Variants in LPCAT1 observed in about 807,000 individuals in gnomAD.
The protein encoded by LPCAT1 is 1-acylglycerol-3-phosphate O-acyltransferase.
Under a neutral mutation model 60.9 loss-of-function variants are expected in LPCAT1, and 23 were observed. The observed-to-expected ratio is 0.38, with a 90% confidence interval of 0.27 to 0.53. LPCAT1 has a LOEUF of 0.53. LPCAT1 is among the 20% of genes least tolerant of loss of function. The pLI is 0.82. For synonymous variants in LPCAT1, 340 were observed against 301.1 expected (o/e 1.13, Z -1.34); for missense variants, 622 against 723.6 (o/e 0.86, Z 1.61).
At chr5:1,478,261 G>A (rs1200523586) in intron 8 of LPCAT1, among the ~76,000 whole-genome samples, 1 of 152,252 alleles carries the variant, frequency 6.6e-6, no homozygotes. Context: ...GACTACCCTG[G>A]ATGTCCTTTT....
At chr5:1,469,098 G>A (rs940190833) in intron 12 of LPCAT1, among the ~76,000 whole-genome samples, 3 of 152,238 alleles carry the variant, frequency 2.0e-5, no homozygotes, top group Non-Finnish European at 4.4e-5. Context: ...GCTGAGGGTG[G>A]AGGTGAGGCG....
At chr5:1,467,811 G>C (rs1362092953) in intron 12 of LPCAT1, among the ~76,000 whole-genome samples, 1 of 152,132 alleles carries the variant, frequency 6.6e-6, no homozygotes, top group East Asian at 1.9e-4. Context: ...CCCTCAGATG[G>C]GCCAGCTCTT....
chr5:1,487,811 C>T lies in LPCAT1; in HGVS notation c.667+580G>A, dbSNP rs1399581640. On this transcript the variant is annotated intron_variant, in intron 5 of 13. Coordinates refer to ENST00000283415, the MANE Select transcript of LPCAT1 (RefSeq NM_024830.5). This position sits in a 1 kb window ranked among gnomAD's most constrained non-coding sequence, Gnocchi z 6.1. ...TGTGCAGAATTCCAAACAGACTCAG[C>T]GCAAAAAGAACAGTGGACTCTGCTG... Among the ~76,000 whole-genome samples, 3 of 152,174 alleles carry T rather than the reference C, an allele frequency of 2.0e-5. No homozygotes were observed. Among genetic ancestry groups the T allele is most frequent in the Admixed American group, 2.0e-4 (3 of 15,274 alleles).
intron 1 of LPCAT1, among the ~76,000 whole-genome samples, chr5:1,513,073 AG>A (rs1011139964): frequency 1.3e-5 from 2 of 152,216 alleles, no homozygotes; most frequent in African/African-American, 2.4e-5. Flanking sequence ...GGGCCCAGGC[AG>A]GGTGGCTATG....
rs1386943829 is a variant in LPCAT1, at chr5:1,476,846, G to A, written c.899+558C>T. ...CTGACGACACCGAGGGAGGGAGAGG[G>A]GGAGGGCGTGTGAGCCGACAGCACT... On this transcript the variant is annotated intron_variant, in intron 9 of 13. Transcript: ENST00000283415. The surrounding 1 kb of genome is among the most constrained non-coding windows in gnomAD (Gnocchi z 8.6). Among the ~76,000 whole-genome samples the A allele has an allele frequency of 6.6e-6, 1 of 150,446 alleles. No individual in the cohort carries two copies. The highest frequency in any genetic ancestry group is 1.5e-5 in the Non-Finnish European group (1 of 67,970).
In LPCAT1 at chr5:1,480,860, T is replaced by C. The variant is rs538461261; in HGVS notation, c.761+82A>G. ...CTGCTTTCACAACTGCAAAAGTAAC[T>C]AGCGTGCACAGCAGACCCCAAGCAG... On this transcript the variant is annotated intron_variant, in intron 7 of 13. Coordinates refer to ENST00000283415, the MANE Select transcript of LPCAT1 (RefSeq NM_024830.5). This position sits in a 1 kb window ranked among gnomAD's most constrained non-coding sequence, Gnocchi z 6.4. 1.5e-5 allele frequency: 23 copies of C among 1,521,484 alleles called. No homozygotes were observed. The East Asian group carries it at 2.7e-4, about 18-fold the overall frequency. The allele number at this position is 1,521,484 out of a possible 1,614,324, so 94.2% of individuals were successfully genotyped here.
At chr5:1,488,317 CATT>C in intron 5 of LPCAT1, 71 bp downstream of exon 5, 1 of 946,412 alleles carries the variant, frequency 1.1e-6, no homozygotes, top group Non-Finnish European at 1.6e-6. Flanking sequence ...GTGCACAGCA[CATT>C]ATTAAAAAAC....
At chr5:1,479,556 G>T in intron 8 of LPCAT1, 65 bp downstream of exon 8, 3 of 1,148,842 alleles carry the variant, frequency 2.6e-6, no homozygotes, top group Non-Finnish European at 4.0e-6. Flanking sequence ...TGGGCATCCT[G>T]GTGTAAGCTC....
rs1579775525 is a variant in LPCAT1, at chr5:1,482,467, G to A, written c.726+961C>T. 6.5e-5 allele frequency among the ~76,000 whole-genome samples: 3 copies of A among 46,462 alleles called. No homozygotes were observed. The South Asian group carries it at 2.6e-3, about 40-fold the overall frequency. 30.5% of individuals were successfully genotyped at this position (46,462 alleles called of 152,430 possible). On this transcript the variant is annotated intron_variant, in intron 6 of 13. Coordinates refer to ENST00000283415, the MANE Select transcript of LPCAT1 (RefSeq NM_024830.5). Reference sequence around the variant, plus strand: ...ATGGAGCAGGGCCTGGGTCAGGGTGGGGTGGGGCGGGGCAGAGCCAGGGCA... The same window carrying A: ...ATGGAGCAGGGCCTGGGTCAGGGTGAGGTGGGGCGGGGCAGAGCCAGGGCA...
chr5:1,472,584 A>T (rs461889), intron 11 of LPCAT1, among the ~76,000 whole-genome samples: 40,089 of 151,930 alleles, frequency 0.26, 5,377 homozygotes, highest in East Asian at 0.39. Context: ...TAAAAAATTA[A>T]CTGCACAGTG....
chr5:1,466,677 G>A (rs934482582), intron 13 of LPCAT1, 72 bp downstream of exon 13: 59 of 1,483,184 alleles, frequency 4.0e-5, no homozygotes, highest in Middle Eastern at 1.8e-4. Context: ...GGGCTCCCAC[G>A]GAGACTCGCC....
At chr5:1,510,082 GTTTC>G (rs145526212) in intron 1 of LPCAT1, among the ~76,000 whole-genome samples, 2,403 of 152,186 alleles carry the variant, frequency 0.016, 54 homozygotes, top group African/African-American at 0.054. Context: ...TTTATGGTGG[GTTTC>G]TTTGTCTTTT....
At chr5:1,515,420 G>C (rs7737853) in intron 1 of LPCAT1, among the ~76,000 whole-genome samples, 60,930 of 143,434 alleles carry the variant, frequency 0.42, 13,185 homozygotes, top group African/African-American at 0.54. Context: ...TACACCCTGC[G>C]CCACACTACC....
intron 5 of LPCAT1, among the ~76,000 whole-genome samples, chr5:1,486,493 C>T (rs73031873): frequency 0.011 from 1,654 of 152,214 alleles, 33 homozygotes; most frequent in African/African-American, 0.036. Flanking sequence ...ACCCCAGCAA[C>T]GTGACCCCAA....
intron 1 of LPCAT1, among the ~76,000 whole-genome samples, chr5:1,513,146 G>C (rs781422918): frequency 6.6e-6 from 1 of 152,182 alleles, no homozygotes; most frequent in Admixed American, 6.5e-5. Flanking sequence ...GCAGGTGCCG[G>C]AGCCGCTCCT....
chr5:1,490,437 G>C (rs890381598), intron 3 of LPCAT1, among the ~76,000 whole-genome samples: 6 of 152,254 alleles, frequency 3.9e-5, no homozygotes, highest in African/African-American at 7.2e-5. Flanking sequence ...GAGACGAAGA[G>C]GGGGAGAGAA....
At chr5:1,499,116 A>G (rs1735914270) in intron 2 of LPCAT1, among the ~76,000 whole-genome samples, 1 of 152,254 alleles carries the variant, frequency 6.6e-6, no homozygotes, top group Non-Finnish European at 1.5e-5. Flanking sequence ...TGCTAGAATA[A>G]GAGTCCGTTG....
Position 1,481,008 on chromosome 5 carries a change from G to GGGGCCTGCACCCA in LPCAT1, c.727-45_727-33dup, listed in dbSNP as rs1325713075. The GGGGCCTGCACCCA allele has an allele frequency of 6.2e-7, 1 of 1,612,764 alleles. No homozygotes were observed. Among genetic ancestry groups the GGGGCCTGCACCCA allele is most frequent in the Non-Finnish European group, 8.5e-7 (1 of 1,179,738 alleles). On this transcript the variant is annotated intron_variant, in intron 6 of 13. Transcript: ENST00000283415. This position sits in a 1 kb window ranked among gnomAD's most constrained non-coding sequence, Gnocchi z 7.8. ...AGGAAGAGGCAGGGTCAGTCAGCAT[G>GGGGCCTGCACCCA]GGGCCTGCACCCAGGGCCTGCACCA... is the stretch of plus-strand genomic sequence containing the variant.
intron 1 of LPCAT1, among the ~76,000 whole-genome samples, chr5:1,512,319 G>A (rs1010011826): frequency 3.3e-5 from 5 of 152,206 alleles, no homozygotes; most frequent in Admixed American, 2.6e-4. Flanking sequence ...CGGAGTCACT[G>A]TCAGCTCTGC....
Sources: gnomAD v4.1 joint callset for allele counts (sites outside exome capture counted in the v4.1 genomes callset) on GRCh38, gnomAD v4.1.1 for gene constraint, Gnocchi (gnomAD v3.1) non-coding constraint, MANE v1.5 for transcripts, NCBI Gene and HGNC (gene_info 2026-07-23, HGNC 2026-07-21) for gene names.